CSMD2: variants seen among roughly 807,000 people sequenced by gnomAD.
CSMD2 encodes CUB and sushi domain-containing protein 2.
In CSMD2, 130 loss-of-function variants were observed where a neutral mutation model predicts 398.5. The ratio of observed to expected loss-of-function variants is 0.33; its 90% CI spans 0.28 to 0.38. The LOEUF is 0.38. CSMD2 is among the 10% of genes least tolerant of loss of function. CSMD2 has a pLI of 1.00. For missense variants in CSMD2, 3,829 were observed against 4,764.9 expected (o/e 0.80, Z 5.78); for synonymous variants, 1,828 against 1,908.5 (o/e 0.96, Z 1.10).
chr1:33,935,851 A>G lies in CSMD2; in HGVS notation c.621T>C (p.Leu207=), dbSNP rs768226062. ...CGGCGTGGCCCTCCAGGAAGAAGCC[A>G]AGGTTGCAGCTGTAGCGGACCTTGT... ...LGDKVRYSCN[L]GFFLEGHAVL... The change falls in exon 4 of 71, where the codon CTT becomes CTC. Residue 207 remains leucine, a synonymous_variant. Coordinates refer to ENST00000373381, the MANE Select transcript of CSMD2 (RefSeq NM_001281956.2). The G allele has an allele frequency of 4.3e-6, 7 of 1,614,100 alleles. No homozygotes were observed. The South Asian group carries it at 6.6e-5, about 15-fold the overall frequency.
intron 6 of CSMD2, among the ~76,000 whole-genome samples, chr1:33,829,133 C>T (rs548963466): frequency 6.6e-5 from 10 of 152,278 alleles, no homozygotes; most frequent in Middle Eastern, 3.4e-3. Flanking sequence ...ATCATGTTAG[C>T]GCAGGGAAAT....
At chr1:33,678,194 T>G (rs369195638) in intron 25 of CSMD2, among the ~76,000 whole-genome samples, 23 of 151,880 alleles carry the variant, frequency 1.5e-4, no homozygotes, top group East Asian at 9.7e-4. Flanking sequence ...TCGCTCCCCC[T>G]TCTCTATCCA....
chr1:34,088,218 G>C (rs1658138529), intron 2 of CSMD2, among the ~76,000 whole-genome samples: 1 of 152,242 alleles, frequency 6.6e-6, no homozygotes, highest in Non-Finnish European at 1.5e-5. Context: ...GGCTTGGCTT[G>C]TAAGCCATTA....
At chr1:33,695,300 T>C (rs1645383822) in intron 24 of CSMD2, among the ~76,000 whole-genome samples, 2 of 152,178 alleles carry the variant, frequency 1.3e-5, no homozygotes, top group Admixed American at 1.3e-4. Flanking sequence ...ATATATTCAC[T>C]GTTCCAGGAA....
intron 2 of CSMD2, among the ~76,000 whole-genome samples, chr1:34,036,218 T>C (rs1359973499): frequency 6.6e-6 from 1 of 152,086 alleles, no homozygotes; most frequent in Non-Finnish European, 1.5e-5. Flanking sequence ...TAATTGTTCA[T>C]AGCAGCTTTA....
At chr1:33,888,945 T>C (rs1641794070) in intron 5 of CSMD2, among the ~76,000 whole-genome samples, 1 of 152,166 alleles carries the variant, frequency 6.6e-6, no homozygotes, top group South Asian at 2.1e-4. Flanking sequence ...TTTTGTTTTG[T>C]ATTTTTAGTA....
chr1:33,957,942 T>TGTGTGTGTGTGTGTGCACGCACGC (rs1645222783), intron 3 of CSMD2, among the ~76,000 whole-genome samples: 1 of 151,844 alleles, frequency 6.6e-6, no homozygotes, highest in Non-Finnish European at 1.5e-5. Context: ...TGTGTGTGTG[T>TGTGTGTGTGTGTGTGCACGCACGC]GTGTGTGTGT....
chr1:33,746,830 C>T (rs747732610), intron 13 of CSMD2, among the ~76,000 whole-genome samples: 5 of 152,206 alleles, frequency 3.3e-5, no homozygotes, highest in Non-Finnish European at 5.9e-5. Flanking sequence ...ACATGTGGGT[C>T]TCATAACCCC....
intron 13 of CSMD2, among the ~76,000 whole-genome samples, chr1:33,750,105 A>T (rs1482471810): frequency 6.6e-6 from 1 of 152,178 alleles, no homozygotes; most frequent in Non-Finnish European, 1.5e-5. Context: ...AAGAAAAAAA[A>T]TTTTTAATGG....
At chr1:33,640,407 C>T (rs1181270314) in intron 29 of CSMD2, among the ~76,000 whole-genome samples, 1 of 152,182 alleles carries the variant, frequency 6.6e-6, no homozygotes, top group Non-Finnish European at 1.5e-5. Flanking sequence ...CAATCTCATT[C>T]ATATAGAACA....
intron 41 of CSMD2, among the ~76,000 whole-genome samples, chr1:33,607,496 C>T (rs10914751): frequency 0.54 from 81,347 of 151,978 alleles, 22,501 homozygotes; most frequent in Admixed American, 0.61. Context: ...TACGAGGTGC[C>T]GCTCCGTACG....
intron 42 of CSMD2, 85 bp downstream of exon 42, chr1:33,605,197 G>A (rs1335659382): frequency 2.3e-6 from 3 of 1,285,570 alleles, no homozygotes; most frequent in East Asian, 2.5e-5. Context: ...ATCCCACAGA[G>A]CAGGTAGGTG....
chr1:33,731,059 T>C (rs554086946), intron 15 of CSMD2, among the ~76,000 whole-genome samples: 1 of 152,302 alleles, frequency 6.6e-6, no homozygotes, highest in South Asian at 2.1e-4. Context: ...AGGCTCCCAC[T>C]AGCCAATGAC....
At chr1:34,103,489 G>T (rs1032399534) in intron 1 of CSMD2, among the ~76,000 whole-genome samples, 1 of 151,838 alleles carries the variant, frequency 6.6e-6, no homozygotes, top group African/African-American at 2.4e-5. Flanking sequence ...TAGTAGAGAC[G>T]GGGTTTCACC....
In CSMD2 at chr1:33,519,925, G is replaced by C. The variant is rs898921134; in HGVS notation, c.10623C>G (p.Pro3541=). 2.5e-6 allele frequency: 4 copies of C among 1,614,146 alleles called. No individual in the cohort carries two copies. Among genetic ancestry groups the C allele is most frequent in the Non-Finnish European group, 3.4e-6 (4 of 1,180,026 alleles). The change falls in exon 69 of 71, where the codon CCC becomes CCG. Residue 3541 remains proline, a synonymous_variant. Coordinates refer to ENST00000373381, the MANE Select transcript of CSMD2 (RefSeq NM_001281956.2). The surrounding 1 kb of genome is among the most constrained non-coding windows in gnomAD (Gnocchi z 5.6). ...AAGCAAAGTGGCGGCCAATGGACTCGGGGTCTGACTCCAGCAGCCTGAGGT... is the reference window on the plus strand; with the variant it reads ...AAGCAAAGTGGCGGCCAATGGACTCCGGGTCTGACTCCAGCAGCCTGAGGT... ...RLDLRLLESD[P]ESIGRHFASN...
In CSMD2 at chr1:33,922,365, G is replaced by A. The variant is rs1281957287; in HGVS notation, c.713-4064C>T. Among the ~76,000 whole-genome samples, 3 of 152,286 alleles carry A rather than the reference G, an allele frequency of 2.0e-5. 1 individual carries two copies. Among genetic ancestry groups the A allele is most frequent in the East Asian group, 3.9e-4 (2 of 5,174 alleles). On this transcript the variant is annotated intron_variant, in intron 4 of 70. Coordinates refer to ENST00000373381, the MANE Select transcript of CSMD2 (RefSeq NM_001281956.2). ...GCAGGGGCCAAAGAGAAACATTAGA[G>A]GGGGAGGGAGTGGCTCAGGAGCAGG...
chr1:33,574,955 A>T (rs1410246175), intron 49 of CSMD2, among the ~76,000 whole-genome samples: 2 of 152,220 alleles, frequency 1.3e-5, no homozygotes, highest in Non-Finnish European at 2.9e-5. Context: ...GAGGGCAGTG[A>T]AGGAAGTGGG....
Position 33,958,443 on chromosome 1 carries a change from G to A in CSMD2, c.518-22489C>T, listed in dbSNP as rs117202118. 7.2e-5 allele frequency among the ~76,000 whole-genome samples: 11 copies of A among 152,278 alleles called. No homozygotes were observed. In the East Asian group the frequency reaches 1.9e-3, roughly 27 times the overall value. On this transcript the variant is annotated intron_variant, in intron 3 of 70. Transcript: ENST00000373381. The stretch of plus-strand genomic sequence containing the variant: ...ATAGGACCCGTAGAGATGATGGGCT[G>A]TCACACCCATGACTAGGTAAAGTTA...
intron 5 of CSMD2, among the ~76,000 whole-genome samples, chr1:33,885,922 A>G (rs914336630): frequency 1.3e-5 from 2 of 152,116 alleles, no homozygotes. Context: ...TCTGGGCTCA[A>G]TTTCCTCATG....
Sources: allele counts gnomAD v4.1 joint callset (sites outside exome capture counted in the v4.1 genomes callset), GRCh38; gene constraint gnomAD v4.1.1; non-coding constraint Gnocchi (gnomAD v3.1); transcripts MANE v1.5; gene names NCBI Gene and HGNC (gene_info 2026-07-23, HGNC 2026-07-21).